Variants in CNTN4 observed in about 807,000 individuals in gnomAD.
CNTN4 encodes the protein contactin-4.
In CNTN4, 77 loss-of-function variants were observed where a neutral mutation model predicts 122.5. The observed-to-expected ratio is 0.63, with a 90% CI of 0.52 to 0.76. The LOEUF (loss-of-function observed/expected upper bound fraction) is 0.76. CNTN4 is among the 30% of genes least tolerant of loss of function. The probability of loss-of-function intolerance (pLI) is 0.00; values close to 1 mark genes in which losing one functional copy is unlikely to be tolerated. For missense variants in CNTN4, 1,256 were observed against 1,259.1 expected, an observed-to-expected ratio of 1.00 and a Z score of 0.04; for synonymous variants, 512 against 447.0, an observed-to-expected ratio of 1.15 and a Z score of -1.83.
chr3:2,550,588 C>T (rs529382157), intron 3 of CNTN4, among the ~76,000 whole-genome samples: 11 of 152,200 alleles, frequency 7.2e-5, no homozygotes, highest in Admixed American at 1.3e-4. Flanking sequence ...GACCCAGCAA[C>T]CCCATTACTG....
At chr3:2,871,867 G>A (rs986839408) in intron 8 of CNTN4, among the ~76,000 whole-genome samples, 2 of 152,176 alleles carry the variant, frequency 1.3e-5, no homozygotes, top group African/African-American at 4.8e-5. Context: ...AAAAATATGA[G>A]TTGGTAGATA....
intron 7 of CNTN4, among the ~76,000 whole-genome samples, chr3:2,865,894 A>G (rs1163025891): frequency 6.6e-6 from 1 of 152,222 alleles, no homozygotes; most frequent in East Asian, 1.9e-4. Flanking sequence ...ACTGCCTATG[A>G]AATTCATCCC....
At chr3:2,825,569 G>A (rs760755266) in intron 7 of CNTN4, among the ~76,000 whole-genome samples, 1 of 152,054 alleles carries the variant, frequency 6.6e-6, no homozygotes, top group Non-Finnish European at 1.5e-5. Context: ...TGTGCCTCTA[G>A]TCCCAGCTAT....
At chr3:2,347,841 T>A (rs1301443030) in intron 3 of CNTN4, among the ~76,000 whole-genome samples, 1 of 149,742 alleles carries the variant, frequency 6.7e-6, no homozygotes, top group Non-Finnish European at 1.5e-5. Context: ...TTAGAAGCTC[T>A]TTTTGGTTTA....
At chr3:2,607,287 G>A (rs2081296431) in intron 4 of CNTN4, among the ~76,000 whole-genome samples, 1 of 152,084 alleles carries the variant, frequency 6.6e-6, no homozygotes, top group Non-Finnish European at 1.5e-5. Flanking sequence ...GATAATTCTA[G>A]ATATATGCCC....
At chr3:2,330,955 G>A (rs2043693091) in intron 2 of CNTN4, among the ~76,000 whole-genome samples, 1 of 152,102 alleles carries the variant, frequency 6.6e-6, no homozygotes, top group Non-Finnish European at 1.5e-5. Flanking sequence ...CACATAATGT[G>A]ACACATTAAA....
intron 2 of CNTN4, among the ~76,000 whole-genome samples, chr3:2,302,211 A>T (rs1338815631): frequency 1.3e-5 from 2 of 152,138 alleles, no homozygotes; most frequent in Non-Finnish European, 2.9e-5. Context: ...CGGGTGGTTC[A>T]TGAGGTCAGG....
intron 6 of CNTN4, among the ~76,000 whole-genome samples, chr3:2,810,822 T>C (rs527755114): frequency 7.9e-5 from 12 of 152,322 alleles, no homozygotes; most frequent in African/African-American, 2.6e-4. Context: ...AATTCCAAAG[T>C]AATATCTAAA....
At chr3:2,174,523 C>T (rs1347698823) in intron 2 of CNTN4, among the ~76,000 whole-genome samples, 1 of 152,092 alleles carries the variant, frequency 6.6e-6, no homozygotes, top group East Asian at 1.9e-4. Flanking sequence ...AAGGAACTCT[C>T]CTGAGTCTCT....
At chr3:2,184,098 A>C (rs2037141540) in intron 2 of CNTN4, among the ~76,000 whole-genome samples, 1 of 151,980 alleles carries the variant, frequency 6.6e-6, no homozygotes, top group African/African-American at 2.4e-5. Context: ...CAGCTTCCTG[A>C]GTAGCTGGGA....
intron 3 of CNTN4, among the ~76,000 whole-genome samples, chr3:2,556,590 G>GTAAGTTTTATATATGTGTGCATATA (rs2078730427): frequency 6.6e-6 from 1 of 151,838 alleles, no homozygotes. Context: ...CTCGGCCCTG[G>GTAAGTTTTATATATGTGTGCATATA]TAAGTTTTAT....
chr3:2,982,092 C>G (rs1205367067), intron 13 of CNTN4, among the ~76,000 whole-genome samples: 1 of 152,148 alleles, frequency 6.6e-6, no homozygotes, highest in Non-Finnish European at 1.5e-5. Flanking sequence ...AAATTGTATA[C>G]TTAGCCTTTA....
At chr3:2,678,161 AT>A (rs1255316716) in intron 4 of CNTN4, among the ~76,000 whole-genome samples, 1 of 152,130 alleles carries the variant, frequency 6.6e-6, no homozygotes, top group Non-Finnish European at 1.5e-5. Flanking sequence ...TACCACTCTT[AT>A]TGTAGTGATT....
chr3:2,348,891 C>T (rs1172979287), intron 3 of CNTN4, among the ~76,000 whole-genome samples: 1 of 152,134 alleles, frequency 6.6e-6, no homozygotes, highest in African/African-American at 2.4e-5. Flanking sequence ...AGTCATTAAA[C>T]TTTCTTGGGC....
intron 3 of CNTN4, among the ~76,000 whole-genome samples, chr3:2,464,577 C>A (rs537512068): frequency 2.6e-5 from 4 of 152,194 alleles, no homozygotes; most frequent in South Asian, 4.1e-4. Flanking sequence ...GTTTATCAGA[C>A]TCTGGTGTGG....
chr3:2,568,114 A>G (rs1287186504), intron 3 of CNTN4, among the ~76,000 whole-genome samples: 1 of 152,092 alleles, frequency 6.6e-6, no homozygotes, highest in Non-Finnish European at 1.5e-5. Flanking sequence ...TTTGGATACC[A>G]GCAACATTTT....
Position 2,468,504 on chromosome 3 carries a change from C to G in CNTN4, c.-88-102912C>G, listed in dbSNP as rs1014153234. On this transcript the variant is annotated intron_variant, in intron 3 of 24. Transcript: ENST00000418658. ...CATATATTATTACATTTCAGAAATG[C>G]AGAGTCTTACGGTAGGCTGTTGTGT... Among the ~76,000 whole-genome samples, 11 of 152,234 alleles carry G rather than the reference C, an allele frequency of 7.2e-5. No individual in the cohort carries two copies. The South Asian group carries it at 1.9e-3, about 26-fold the overall frequency.
At chr3:2,583,234 C>T (rs1007059957) in intron 4 of CNTN4, among the ~76,000 whole-genome samples, 1 of 152,194 alleles carries the variant, frequency 6.6e-6, no homozygotes, top group Non-Finnish European at 1.5e-5. Flanking sequence ...CCATGGTTGA[C>T]ATAACAACTC....
chr3:2,681,145 C>A (rs1034151709), intron 4 of CNTN4, among the ~76,000 whole-genome samples: 1 of 152,076 alleles, frequency 6.6e-6, no homozygotes. Context: ...GGCCCGCCAC[C>A]CAAGGATTTT....
Sources: gnomAD v4.1 joint callset for allele counts (sites outside exome capture counted in the v4.1 genomes callset) on GRCh38, gnomAD v4.1.1 for gene constraint, MANE v1.5 for transcripts, NCBI Gene and HGNC (gene_info 2026-07-23, HGNC 2026-07-21) for gene names.